Variants in DPP6 observed in about 807,000 individuals in gnomAD.
The protein encoded by DPP6 is A-type potassium channel modulatory protein DPP6.
In DPP6, 69 loss-of-function variants were observed where a neutral mutation model predicts 122.6. The ratio of observed to expected loss-of-function variants is 0.56; its 90% CI spans 0.46 to 0.69. The LOEUF is 0.69. Among genes scored for constraint, DPP6 ranks in the 30% least tolerant of loss-of-function variants. DPP6 has a pLI of 0.00. For synonymous variants in DPP6, 418 were observed against 433.1 expected (o/e 0.97, Z 0.43); for missense variants, 928 against 1,116.9 (o/e 0.83, Z 2.41).
chr7:154,318,804 C>T (rs76085815), intron 1 of DPP6, among the ~76,000 whole-genome samples: 3,879 of 152,262 alleles, frequency 0.025, 148 homozygotes, highest in African/African-American at 0.089. Flanking sequence ...CCCCACCCCC[C>T]CCAAGCCATG....
Position 154,618,562 on chromosome 7 carries a change from C to A in DPP6, c.628-19259C>A, listed in dbSNP as rs564363916. Among the ~76,000 whole-genome samples the A allele has an allele frequency of 1.3e-5, 2 of 152,238 alleles. No homozygotes were observed. Among genetic ancestry groups the A allele is most frequent in the East Asian group, 3.9e-4 (2 of 5,174 alleles). On this transcript the variant is annotated intron_variant, in intron 5 of 25. Coordinates refer to ENST00000377770, the MANE Select transcript of DPP6 (RefSeq NM_130797.4). The surrounding 1 kb of genome is among the most constrained non-coding windows in gnomAD (Gnocchi z 4.1). ...TATTTTTAATATAGCCCTGCATTTT[C>A]CTCATATGAAAGCAGAAACCCACAG...
At chr7:154,575,691 G>C (rs957462159) in intron 5 of DPP6, among the ~76,000 whole-genome samples, 1 of 142,894 alleles carries the variant, frequency 7.0e-6, no homozygotes, top group African/African-American at 2.6e-5. Flanking sequence ...TGTGGTGTGT[G>C]TATGTGGTGT....
intron 7 of DPP6, among the ~76,000 whole-genome samples, chr7:154,694,109 G>A (rs924226069): frequency 6.6e-6 from 1 of 152,186 alleles, no homozygotes; most frequent in African/African-American, 2.4e-5. Context: ...CTCATAGACT[G>A]CCTTCTTCTG....
intron 8 of DPP6, among the ~76,000 whole-genome samples, chr7:154,762,460 T>C (rs749135003): frequency 5.9e-5 from 9 of 152,234 alleles, no homozygotes; most frequent in Non-Finnish European, 1.2e-4. Context: ...GAAGTATCCA[T>C]GGAGGCATCT....
intron 8 of DPP6, among the ~76,000 whole-genome samples, chr7:154,743,871 CA>C (rs1237860578): frequency 2.0e-5 from 3 of 152,222 alleles, no homozygotes; most frequent in Non-Finnish European, 4.4e-5. Flanking sequence ...CCTCCATATA[CA>C]GGGATTTCAC....
intron 1 of DPP6, among the ~76,000 whole-genome samples, chr7:154,250,743 C>T (rs897329705): frequency 5.9e-5 from 9 of 151,880 alleles, no homozygotes; most frequent in East Asian, 1.9e-4. Flanking sequence ...CCCGTCAAGA[C>T]GAAGGAAAAG....
intron 5 of DPP6, among the ~76,000 whole-genome samples, chr7:154,575,342 T>TGTGTG (rs1831518770): frequency 1.6e-5 from 1 of 62,364 alleles, no homozygotes; most frequent in Non-Finnish European, 3.1e-5. Flanking sequence ...GTGGTGTGTG[T>TGTGTG]ATGTGTGTGT....
intron 1 of DPP6, among the ~76,000 whole-genome samples, chr7:154,154,464 C>A (rs1028448410): frequency 1.3e-5 from 2 of 152,164 alleles, no homozygotes; most frequent in Non-Finnish European, 2.9e-5. Flanking sequence ...AGATCTTCTA[C>A]AAAGCAAACT....
At chr7:154,557,309 C>T (rs1830115635) in intron 4 of DPP6, among the ~76,000 whole-genome samples, 1 of 152,146 alleles carries the variant, frequency 6.6e-6, no homozygotes, top group South Asian at 2.1e-4. Flanking sequence ...TTCTCACTGT[C>T]TCCGGCAGCA....
chr7:154,620,705 C>G (rs1834588690), intron 5 of DPP6, among the ~76,000 whole-genome samples: 1 of 152,214 alleles, frequency 6.6e-6, no homozygotes. Context: ...GTAACGACGT[C>G]CCCGTCAGCA....
chr7:153,826,737 A>G, the DPP6 span, among the ~76,000 whole-genome samples: 1 of 152,176 alleles, frequency 6.6e-6, no homozygotes, highest in Non-Finnish European at 1.5e-5. Context: ...TTCCATATGC[A>G]CTTGTTATTG....
At chr7:154,159,735 A>G in intron 1 of DPP6, among the ~76,000 whole-genome samples, 1 of 152,306 alleles carries the variant, frequency 6.6e-6, no homozygotes, top group Non-Finnish European at 1.5e-5. Flanking sequence ...CTACAAATAC[A>G]GGGTCCTTCT....
At chr7:154,670,069 A>G (rs1838461245) in intron 7 of DPP6, among the ~76,000 whole-genome samples, 1 of 152,182 alleles carries the variant, frequency 6.6e-6, no homozygotes, top group South Asian at 2.1e-4. Flanking sequence ...TATGTTGGCC[A>G]GGCTGGTCTC....
At chr7:154,829,267 C>A (rs1457456091) in intron 16 of DPP6, among the ~76,000 whole-genome samples, 1 of 151,828 alleles carries the variant, frequency 6.6e-6, no homozygotes, top group Admixed American at 6.6e-5. Context: ...CCCATAGTCC[C>A]AGCTGCTTGA....
At chr7:154,152,403 G>C (rs995893544) in intron 1 of DPP6, among the ~76,000 whole-genome samples, 5 of 152,184 alleles carry the variant, frequency 3.3e-5, no homozygotes, top group African/African-American at 1.2e-4. Context: ...CTGTCTCCCA[G>C]CCTGACTCTT....
In DPP6 at chr7:154,833,965, A is replaced by G. The variant is rs117857621; in HGVS notation, c.1667-19815A>G. 1.6e-3 allele frequency among the ~76,000 whole-genome samples: 250 copies of G among 152,260 alleles called. 7 individuals are homozygous for G. In the East Asian group the frequency reaches 0.042, roughly 26 times the overall value. ...GATGTAGCTCATCTTCACGCAGACA[A>G]GAATAAGGACGCCTGTCCTCTGAGT... On this transcript the variant is annotated intron_variant, in intron 16 of 25. Coordinates refer to ENST00000377770, the MANE Select transcript of DPP6 (RefSeq NM_130797.4). The surrounding 1 kb of genome is among the most constrained non-coding windows in gnomAD (Gnocchi z 4.3).
chr7:154,482,863 G>A (rs1823432708), intron 3 of DPP6, among the ~76,000 whole-genome samples: 1 of 151,282 alleles, frequency 6.6e-6, no homozygotes, highest in Non-Finnish European at 1.5e-5. Context: ...TGTCAAGGCT[G>A]ACTTGAGGAT....
the DPP6 span, among the ~76,000 whole-genome samples, chr7:153,852,651 A>C: frequency 6.6e-6 from 1 of 152,182 alleles, no homozygotes; most frequent in Non-Finnish European, 1.5e-5. Context: ...CACGAAGGAC[A>C]TACAGTACAC....
chr7:153,811,754 TG>T, the DPP6 span, among the ~76,000 whole-genome samples: 1 of 152,236 alleles, frequency 6.6e-6, no homozygotes, highest in Non-Finnish European at 1.5e-5. Context: ...CTGAGCTAGA[TG>T]AAGACCATTT....
Sources: gnomAD v4.1 joint callset for allele counts (sites outside exome capture counted in the v4.1 genomes callset) on GRCh38, gnomAD v4.1.1 for gene constraint, Gnocchi (gnomAD v3.1) non-coding constraint, MANE v1.5 for transcripts, NCBI Gene and HGNC (gene_info 2026-07-23, HGNC 2026-07-21) for gene names.